PCCA: variants seen among roughly 807,000 people sequenced by gnomAD.
PCCA encodes propionyl-CoA carboxylase alpha chain, mitochondrial.
A neutral mutation model predicts 101.3 loss-of-function variants in PCCA; 74 were observed. That is an observed-to-expected ratio of 0.73 (90% CI 0.61 to 0.89). The LOEUF is 0.89. PCCA is among the 40% of genes least tolerant of loss of function. The pLI is 0.00. For missense variants in PCCA, 891 were observed against 907.0 expected (o/e 0.98, Z 0.23); for synonymous variants, 294 against 313.6 (o/e 0.94, Z 0.66).
In PCCA at chr13:100,530,295, CAG is replaced by C; in HGVS notation, c.*132_*133del. 1.3e-6 allele frequency: 1 copy of C among 784,530 alleles called. No homozygotes were observed. The highest frequency in any genetic ancestry group is 1.5e-5 in the South Asian group (1 of 68,424). 48.6% of individuals were successfully genotyped at this position (784,530 alleles called of 1,614,324 possible). A position where few individuals can be genotyped will look rare whatever the true frequency, so the allele number is the denominator to read the frequency against. On this transcript the variant is annotated 3_prime_UTR_variant, in exon 24 of 24. Coordinates refer to ENST00000376285, the MANE Select transcript of PCCA (RefSeq NM_000282.4). ...TACGTTTACGTCGTCATTTATTCCA[CAG>C]AGTCAAGACCAATATTCTGCCAAAA...
intron 7 of PCCA, among the ~76,000 whole-genome samples, chr13:100,220,044 G>T (rs2059725878): frequency 6.6e-6 from 1 of 152,042 alleles, no homozygotes; most frequent in Admixed American, 6.6e-5. Context: ...CTGGCTTAAG[G>T]CTGTTCACAA....
intron 6 of PCCA, among the ~76,000 whole-genome samples, chr13:100,199,556 C>T (rs1340786810): frequency 6.6e-6 from 1 of 152,118 alleles, no homozygotes; most frequent in East Asian, 1.9e-4. Context: ...CAAATTGGCA[C>T]TTGAATTCAG....
intron 8 of PCCA, among the ~76,000 whole-genome samples, chr13:100,238,233 C>G (rs1467713708): frequency 6.6e-6 from 1 of 152,144 alleles, no homozygotes; most frequent in African/African-American, 2.4e-5. Flanking sequence ...AGCCAGTGCA[C>G]CTGGCCATTT....
At chr13:100,232,826 T>C (rs972396662) in intron 7 of PCCA, among the ~76,000 whole-genome samples, 26 of 152,226 alleles carry the variant, frequency 1.7e-4, no homozygotes, top group African/African-American at 4.6e-4. Context: ...AATTGATTTG[T>C]TTATTTTCTG....
At chr13:100,364,405 TAAG>T (rs769557814) in intron 18 of PCCA, among the ~76,000 whole-genome samples, 1 of 152,330 alleles carries the variant, frequency 6.6e-6, no homozygotes, top group East Asian at 1.9e-4. Context: ...GTTAAATTAA[TAAG>T]AATGTTTCAA....
chr13:100,150,563 C>T (rs529757277), intron 4 of PCCA: 41 of 1,258,026 alleles, frequency 3.3e-5, no homozygotes, highest in African/African-American at 1.9e-4. Flanking sequence ...GTGGAACTTA[C>T]GGCCGTTTCC....
chr13:100,158,663 A>G (rs988008001), intron 6 of PCCA, among the ~76,000 whole-genome samples: 1 of 152,204 alleles, frequency 6.6e-6, no homozygotes, highest in African/African-American at 2.4e-5. Flanking sequence ...GTGTATATAT[A>G]TAATGTAATG....
rs563920085 is a variant in PCCA, at chr13:100,264,124, C to T, written c.819+1293C>T. 1.1e-3 allele frequency among the ~76,000 whole-genome samples: 108 copies of T among 101,494 alleles called. 2 individuals carry two copies. Among genetic ancestry groups the T allele is most frequent in the African/African-American group, 3.7e-3 (104 of 28,434 alleles). The allele number at this position is 101,494 out of a possible 152,430, so 66.6% of individuals were successfully genotyped here. A position where few individuals can be genotyped will look rare whatever the true frequency, so the allele number is the denominator to read the frequency against. ...TCGTATATATACGGTATCTGTATAT[C>T]GTATATATATGGTATCTGTATATCG... On this transcript the variant is annotated intron_variant, in intron 10 of 23. Coordinates refer to ENST00000376285, the MANE Select transcript of PCCA (RefSeq NM_000282.4).
chr13:100,313,987 T>G (rs1378112583), intron 16 of PCCA, among the ~76,000 whole-genome samples: 1 of 152,178 alleles, frequency 6.6e-6, no homozygotes, highest in East Asian at 1.9e-4. Context: ...ACACAGTGTC[T>G]TTGATTATGT....
chr13:100,197,947 G>A lies in PCCA; in HGVS notation c.469-11385G>A, dbSNP rs538078462. Among the ~76,000 whole-genome samples, 10 of 152,290 alleles carry A rather than the reference G, an allele frequency of 6.6e-5. No individual in the cohort carries two copies. The South Asian group carries it at 2.1e-3, about 32-fold the overall frequency. On this transcript the variant is annotated intron_variant, in intron 6 of 23. Transcript: ENST00000376285. The stretch of plus-strand genomic sequence containing the variant: ...AAAGTCTGAGTAATATTGCGTAGGA[G>A]TACCAGAAATGGCCTTGTTGGAAAC...
intron 7 of PCCA, among the ~76,000 whole-genome samples, chr13:100,216,319 A>C (rs934464779): frequency 1.3e-5 from 2 of 152,226 alleles, no homozygotes; most frequent in Non-Finnish European, 2.9e-5. Context: ...ACACCGAGGA[A>C]GCATGTGATT....
chr13:100,368,055 A>C (rs1158206960), intron 18 of PCCA, among the ~76,000 whole-genome samples: 1 of 152,194 alleles, frequency 6.6e-6, no homozygotes. Flanking sequence ...CTATAAGTAG[A>C]ATAATGTAGA....
chr13:100,285,773 C>T (rs548405753), intron 12 of PCCA, among the ~76,000 whole-genome samples: 5 of 152,140 alleles, frequency 3.3e-5, no homozygotes, highest in South Asian at 2.1e-4. Flanking sequence ...TTATGCTGCC[C>T]GAGATGATCT....
intron 21 of PCCA, among the ~76,000 whole-genome samples, chr13:100,471,645 G>C (rs1271328975): frequency 6.6e-6 from 1 of 152,180 alleles, no homozygotes; most frequent in African/African-American, 2.4e-5. Context: ...AGTTTTCTCT[G>C]TGGATCTTCT....
chr13:100,147,441 C>T (rs1055823171), intron 4 of PCCA, among the ~76,000 whole-genome samples: 2 of 152,154 alleles, frequency 1.3e-5, no homozygotes, highest in African/African-American at 4.8e-5. Context: ...GATCCCATGA[C>T]TTTTGGTGGC....
Position 100,530,277 on chromosome 13 carries a change from ACGT to A in PCCA, c.*116_*118del, listed in dbSNP as rs2088309233. ...GGAACACCCCTGTGCAGCTACGTTTACGTCGTCATTTATTCCACAGAGTCAAGA... is the reference window on the plus strand; with the variant it reads ...GGAACACCCCTGTGCAGCTACGTTTACGTCATTTATTCCACAGAGTCAAGA... On this transcript the variant is annotated 3_prime_UTR_variant, in exon 24 of 24. Coordinates refer to ENST00000376285, the MANE Select transcript of PCCA (RefSeq NM_000282.4). 11 of 877,466 alleles carry A rather than the reference ACGT, an allele frequency of 1.3e-5. No individual in the cohort carries two copies. The South Asian group carries it at 1.4e-4, about 11-fold the overall frequency. The allele number at this position is 877,466 out of a possible 1,614,324, so 54.4% of individuals were successfully genotyped here.
intron 6 of PCCA, among the ~76,000 whole-genome samples, chr13:100,188,497 C>A (rs995713211): frequency 6.6e-6 from 1 of 152,090 alleles, no homozygotes; most frequent in Non-Finnish European, 1.5e-5. Context: ...TTTGCAATTG[C>A]AAATTGTGCT....
At chr13:100,303,221 T>C (rs1267242209) in intron 14 of PCCA, among the ~76,000 whole-genome samples, 2 of 152,190 alleles carry the variant, frequency 1.3e-5, no homozygotes, top group Non-Finnish European at 2.9e-5. Flanking sequence ...TCTGATGATA[T>C]AAATGATAGC....
chr13:100,369,235 G>T (rs2075408941), intron 19 of PCCA, among the ~76,000 whole-genome samples: 2 of 152,132 alleles, frequency 1.3e-5, no homozygotes, highest in African/African-American at 4.8e-5. Flanking sequence ...CAAGGAGGTT[G>T]CTATTAATAT....
Sources: gnomAD v4.1 joint callset for allele counts (sites outside exome capture counted in the v4.1 genomes callset) on GRCh38, gnomAD v4.1.1 for gene constraint, MANE v1.5 for transcripts, NCBI Gene and HGNC (gene_info 2026-07-23, HGNC 2026-07-21) for gene names.